The following PLEKHA8 variants were observed in gnomAD, a reference collection of about 807,000 sequenced individuals.
PLEKHA8 encodes the protein pleckstrin homology domain containing A8.
A neutral mutation model predicts 68.2 loss-of-function variants in PLEKHA8; 36 were observed. The ratio of observed to expected loss-of-function variants is 0.53; its 90% CI spans 0.40 to 0.70. The LOEUF is 0.70. Among genes scored for constraint, PLEKHA8 ranks in the 30% least tolerant of loss-of-function variants. PLEKHA8 has a pLI of 0.00. For missense variants in PLEKHA8, 505 were observed against 615.4 expected (o/e 0.82, Z 1.90); for synonymous variants, 211 against 216.1 (o/e 0.98, Z 0.20).
At chr7:30,102,399 G>A (rs1583470784) in intron 13 of PLEKHA8, among the ~76,000 whole-genome samples, 1 of 152,206 alleles carries the variant, frequency 6.6e-6, no homozygotes, top group South Asian at 2.1e-4. Flanking sequence ...ATTACGTTAT[G>A]ATCCAGCAAT....
At chr7:30,088,607 A>G (rs1377825285), downstream of PLEKHA8, among the ~76,000 whole-genome samples, 1 of 152,220 alleles carries the variant, frequency 6.6e-6, no homozygotes, top group African/African-American at 2.4e-5. Context: ...CTAAAGCTGA[A>G]CATAAAGAAC....
rs1028859221 is a variant in PLEKHA8, at chr7:30,080,998, C to T, written c.*2211C>T. The T allele has an allele frequency of 4.1e-6, 4 of 985,246 alleles. No homozygotes were observed. The African/African-American group carries it at 5.2e-5, about 13-fold the overall frequency. The allele number at this position is 985,246 out of a possible 1,614,324, so 61.0% of individuals were successfully genotyped here. The stretch of plus-strand genomic sequence containing the variant: ...TGTCACCTCAGGTGAACTCTGTGGT[C>T]TCTTGGAGAGGTAGCACTCTGAAAA... On this transcript the variant is annotated 3_prime_UTR_variant, in exon 14 of 14. Coordinates refer to ENST00000449726, the MANE Select transcript of PLEKHA8 (RefSeq NM_001197026.2).
At chr7:30,119,398 C>T (rs979139452) in intron 13 of PLEKHA8, among the ~76,000 whole-genome samples, 1 of 152,118 alleles carries the variant, frequency 6.6e-6, no homozygotes, top group African/African-American at 2.4e-5. Context: ...CAGATCTAAA[C>T]CCAGACAGAA....
In PLEKHA8 at chr7:30,077,542, A is replaced by G. The variant is rs879659831; in HGVS notation, c.1363-1048A>G. Among the ~76,000 whole-genome samples, 75 of 152,310 alleles carry G rather than the reference A, an allele frequency of 4.9e-4. 2 individuals carry two copies. Among genetic ancestry groups the G allele is most frequent in the Admixed American group, 3.5e-3 (53 of 15,302 alleles). On this transcript the variant is annotated intron_variant, in intron 13 of 13. Transcript: ENST00000449726. ...GTGGTATTAGTCTTCTTCTATAAAT[A>G]AGGAAACTGAGATTCTAGGAAGTTA...
intron 13 of PLEKHA8, among the ~76,000 whole-genome samples, chr7:30,110,351 C>T (rs972985560): frequency 2.6e-5 from 4 of 152,194 alleles, no homozygotes; most frequent in African/African-American, 9.7e-5. Flanking sequence ...ATTAGTACTT[C>T]GTTCCTTTAT....
chr7:30,091,350 T>G (rs905238616), downstream of PLEKHA8, among the ~76,000 whole-genome samples: 14 of 152,118 alleles, frequency 9.2e-5, no homozygotes, highest in Non-Finnish European at 1.3e-4. Context: ...GGAGGTGTTT[T>G]TCTAAAAACA....
intron 13 of PLEKHA8, among the ~76,000 whole-genome samples, chr7:30,108,918 C>A (rs986868502): frequency 6.6e-6 from 1 of 152,204 alleles, no homozygotes. Flanking sequence ...ACTAAGCAGT[C>A]TGTATGCCTC....
chr7:30,082,785 C>T lies in PLEKHA8; in HGVS notation c.*3998C>T. 1.0e-6 allele frequency: 1 copy of T among 985,002 alleles called. No homozygotes were observed. The allele number at this position is 985,002 out of a possible 1,614,324, so 61.0% of individuals were successfully genotyped here. A position where few individuals can be genotyped will look rare whatever the true frequency, so the allele number is the denominator to read the frequency against. On this transcript the variant is annotated 3_prime_UTR_variant, in exon 14 of 14. Coordinates refer to ENST00000449726, the MANE Select transcript of PLEKHA8 (RefSeq NM_001197026.2). ...GGAAACTTAATCTGATTGTGAAAATCATACATATGGAGAAACATCAGATCA... is the reference window on the plus strand; with the variant it reads ...GGAAACTTAATCTGATTGTGAAAATTATACATATGGAGAAACATCAGATCA...
chr7:30,041,079 A>T (rs1041187428), intron 1 of PLEKHA8, among the ~76,000 whole-genome samples: 1 of 152,188 alleles, frequency 6.6e-6, no homozygotes, highest in African/African-American at 2.4e-5. Context: ...TTTTCTCTAC[A>T]ATTCATCATT....
downstream of PLEKHA8, among the ~76,000 whole-genome samples, chr7:30,095,206 A>T (rs1284961920): frequency 2.0e-5 from 3 of 152,142 alleles, no homozygotes; most frequent in African/African-American, 2.4e-5. Context: ...GACTTTTTAA[A>T]GATCGCCATG....
intron 13 of PLEKHA8, among the ~76,000 whole-genome samples, chr7:30,075,509 A>C (rs577328388): frequency 6.6e-6 from 1 of 152,358 alleles, no homozygotes; most frequent in East Asian, 1.9e-4. Context: ...AGGCTATGTC[A>C]GAGCCCAGGT....
chr7:30,060,835 G>T, intron 9 of PLEKHA8, 49 bp from the exon 10 acceptor site: 1 of 1,429,618 alleles, frequency 7.0e-7, no homozygotes, highest in Non-Finnish European at 9.8e-7. Context: ...AAAAAATATT[G>T]CCACTTAAAA....
intron 12 of PLEKHA8, among the ~76,000 whole-genome samples, chr7:30,065,464 CGG>C (rs1793774423): frequency 7.6e-6 from 1 of 130,778 alleles, no homozygotes; most frequent in African/African-American, 2.8e-5. Context: ...TCTGCGTAAA[CGG>C]TTTTTTGAGA....
intron 12 of PLEKHA8, among the ~76,000 whole-genome samples, chr7:30,071,392 A>G (rs1339859329): frequency 3.9e-5 from 6 of 152,050 alleles, no homozygotes; most frequent in Admixed American, 2.0e-4. Flanking sequence ...CGCACCATCT[A>G]CCACTCTGCT....
At chr7:30,051,153 G>C (rs1423936064) in intron 6 of PLEKHA8, among the ~76,000 whole-genome samples, 1 of 152,126 alleles carries the variant, frequency 6.6e-6, no homozygotes, top group Non-Finnish European at 1.5e-5. Context: ...ACCCGCCTTG[G>C]TCTCCCCAAG....
chr7:30,062,067 C>G (rs35889168), intron 11 of PLEKHA8, 40 bp downstream of exon 11: 247,249 of 1,564,388 alleles, frequency 0.16, 19,870 homozygotes, highest in African/African-American at 0.19. Flanking sequence ...AAATCTAGCT[C>G]AAAAAAAATT....
Position 30,081,457 on chromosome 7 carries a change from T to C in PLEKHA8, c.*2670T>C, listed in dbSNP as rs1018802924. The C allele has an allele frequency of 5.1e-6, 5 of 984,710 alleles. No individual in the cohort carries two copies. In the East Asian group the frequency reaches 4.5e-4, roughly 89 times the overall value. The allele number at this position is 984,710 out of a possible 1,614,324, so 61.0% of individuals were successfully genotyped here. Reference sequence around the variant, plus strand: ...TCAGAGCTTCCTCCTACATCTAAAGTATTTGCTCTCTGTTTTAGTTAAAGT... The same window carrying C: ...TCAGAGCTTCCTCCTACATCTAAAGCATTTGCTCTCTGTTTTAGTTAAAGT... On this transcript the variant is annotated 3_prime_UTR_variant, in exon 14 of 14. Coordinates refer to ENST00000449726, the MANE Select transcript of PLEKHA8 (RefSeq NM_001197026.2).
chr7:30,074,164 C>T (rs1562532413), intron 13 of PLEKHA8, 32 bp downstream of exon 13: 1 of 1,583,640 alleles, frequency 6.3e-7, no homozygotes, highest in East Asian at 2.2e-5. Context: ...CTATTATTAA[C>T]TGTATTGGGT....
At chr7:30,036,808 A>G (rs1408619349) in intron 1 of PLEKHA8, among the ~76,000 whole-genome samples, 1 of 152,234 alleles carries the variant, frequency 6.6e-6, no homozygotes. Flanking sequence ...GCAAACTACA[A>G]CTGCTCAGAA....
Sources: gnomAD v4.1 joint callset for allele counts (sites outside exome capture counted in the v4.1 genomes callset) on GRCh38, gnomAD v4.1.1 for gene constraint, MANE v1.5 for transcripts, NCBI Gene and HGNC (gene_info 2026-07-23, HGNC 2026-07-21) for gene names.